USP12: variants seen among roughly 807,000 people sequenced by gnomAD.
USP12 encodes ubiquitin carboxyl-terminal hydrolase 12.
USP12 carries 19 observed loss-of-function variants against 45.5 expected under a neutral mutation model. The observed-to-expected ratio is 0.42, with a 90% CI of 0.29 to 0.61. The LOEUF (loss-of-function observed/expected upper bound fraction) is 0.61, where lower values mean the gene tolerates loss of function less well. Among genes scored for constraint, USP12 ranks in the 20% least tolerant of loss-of-function variants. The probability of loss-of-function intolerance (pLI) is 0.22; values close to 1 mark genes in which losing one functional copy is unlikely to be tolerated. For missense variants in USP12, 242 were observed against 447.7 expected, an observed-to-expected ratio of 0.54 and a Z score of 4.15; for synonymous variants, 149 against 148.8, an observed-to-expected ratio of 1.00 and a Z score of -0.01.
intron 3 of USP12, among the ~76,000 whole-genome samples, chr13:27,096,892 T>A (rs1434353129): frequency 3.3e-5 from 5 of 152,002 alleles, no homozygotes; most frequent in South Asian, 2.1e-4. Context: ...TAGAAAAAAA[T>A]TTAGGGAAAG....
intron 1 of USP12, among the ~76,000 whole-genome samples, chr13:27,151,304 C>G (rs1274010930): frequency 6.6e-6 from 1 of 152,016 alleles, no homozygotes; most frequent in Admixed American, 6.6e-5. Context: ...AAGCAAGATT[C>G]TGTCTCCCAA....
At chr13:27,152,956 A>G (rs1593211479) in intron 1 of USP12, among the ~76,000 whole-genome samples, 3 of 150,660 alleles carry the variant, frequency 2.0e-5, no homozygotes, top group Admixed American at 6.6e-5. Context: ...AAAAAAAAAA[A>G]AAAGAAAGAA....
At chr13:27,170,618 C>G (rs1878547615) in intron 1 of USP12, among the ~76,000 whole-genome samples, 1 of 152,218 alleles carries the variant, frequency 6.6e-6, no homozygotes, top group Non-Finnish European at 1.5e-5. Flanking sequence ...AAGTTTTAAA[C>G]GCGCCCACGT....
intron 1 of USP12, among the ~76,000 whole-genome samples, chr13:27,141,676 A>C (rs7326966): frequency 0.64 from 96,424 of 151,640 alleles, 30,981 homozygotes; most frequent in South Asian, 0.83. Flanking sequence ...CTAAAAAATA[A>C]ATGAATAGAC....
intron 2 of USP12, among the ~76,000 whole-genome samples, chr13:27,115,662 T>G (rs946946837): frequency 7.2e-5 from 11 of 152,326 alleles, no homozygotes; most frequent in Admixed American, 4.6e-4. Flanking sequence ...ACAGGTAACA[T>G]TCAGGTAAAA....
intron 6 of USP12, 121 bp downstream of exon 6, chr13:27,089,758 TGTTA>T (rs1200543962): frequency 1.2e-6 from 1 of 837,152 alleles, no homozygotes; most frequent in Non-Finnish European, 1.9e-6. Flanking sequence ...GAACATTAAC[TGTTA>T]GTGATAGAAT....
At chr13:27,115,110 CAG>C (rs1875665102) in intron 2 of USP12, among the ~76,000 whole-genome samples, 1 of 152,156 alleles carries the variant, frequency 6.6e-6, no homozygotes, top group African/African-American at 2.4e-5. Flanking sequence ...TAACAAGACA[CAG>C]AGACCAGAAG....
chr13:27,105,852 AGG>A lies in USP12; in HGVS notation c.220_221del (p.Pro74Ter). The A allele has an allele frequency of 1.2e-6, 2 of 1,613,852 alleles. No homozygotes were observed. The highest frequency in any genetic ancestry group is 1.7e-6 in the Non-Finnish European group (2 of 1,179,814). On this transcript the variant is annotated frameshift_variant, in exon 3 of 9. Coordinates refer to ENST00000282344, the MANE Select transcript of USP12 (RefSeq NM_182488.4). LOFTEE classifies it high-confidence loss of function. ...ATGTAAGAAGGCTCTCCTTTTTCCTAGGTTGACTCTTATACGCAAGAACTTTT... is the reference window on the plus strand; with the variant it reads ...ATGTAAGAAGGCTCTCCTTTTTCCTATTGACTCTTATACGCAAGAACTTTT... Reference protein sequence around the residue: ...REKVLAYKSQPRKKESLLTCL... With the variant: ...REKVLAYKSQXRKKESLLTCL...
rs771252250 is a variant in USP12, at chr13:27,071,038, C to T, written c.1011+33G>A. 2.6e-6 allele frequency: 4 copies of T among 1,568,408 alleles called. No individual in the cohort carries two copies. In the South Asian group the frequency reaches 4.7e-5, roughly 18 times the overall value. On this transcript the variant is annotated intron_variant, in intron 8 of 8. Coordinates refer to ENST00000282344, the MANE Select transcript of USP12 (RefSeq NM_182488.4). ...AGTGAAAAGCAACATATGCATACAA[C>T]TTTCAAAAATAAGAAATTAAGAAAC...
chr13:27,090,342 T>G lies in USP12; in HGVS notation c.574-184A>C, dbSNP rs188034505. On this transcript the variant is annotated intron_variant, in intron 4 of 8. Transcript: ENST00000282344. ...CACTGAATAAATAACCCCTACCAGA[T>G]GTATAAATAAAACACCAAAGTACAC... is the stretch of plus-strand genomic sequence containing the variant. Among the ~76,000 whole-genome samples, 926 of 152,320 alleles carry G rather than the reference T, an allele frequency of 6.1e-3. 5 individuals carry two copies. Among genetic ancestry groups the G allele is most frequent in the Middle Eastern group, 0.014 (4 of 294 alleles).
At chr13:27,090,329 A>T (rs1182023216) in intron 4 of USP12, among the ~76,000 whole-genome samples, 171 bp from the exon 5 acceptor site, 1 of 152,228 alleles carries the variant, frequency 6.6e-6, no homozygotes, top group African/African-American at 2.4e-5. Flanking sequence ...CTGAATAAAT[A>T]ACCCCTACCA....
At chr13:27,166,983 C>A (rs1206575199) in intron 1 of USP12, among the ~76,000 whole-genome samples, 1 of 152,138 alleles carries the variant, frequency 6.6e-6, no homozygotes, top group Non-Finnish European at 1.5e-5. Flanking sequence ...ACATGATAAT[C>A]ATTCGTGGGT....
chr13:27,071,041 T>C (rs1018115444), intron 8 of USP12, 30 bp downstream of exon 8: 2 of 1,573,688 alleles, frequency 1.3e-6, no homozygotes, highest in Admixed American at 1.9e-5. Context: ...CATACAACTT[T>C]CAAAAATAAG....
chr13:27,070,640 G>A (rs111894278), intron 8 of USP12, among the ~76,000 whole-genome samples: 22 of 150,152 alleles, frequency 1.5e-4, no homozygotes, highest in Non-Finnish European at 2.7e-4. Context: ...CACAACCTCC[G>A]CCTCCCGGGT....
At chr13:27,133,550 C>A (rs1876614358) in intron 1 of USP12, among the ~76,000 whole-genome samples, 1 of 150,976 alleles carries the variant, frequency 6.6e-6, no homozygotes, top group Admixed American at 6.6e-5. Context: ...ATGGCATGAA[C>A]CTGGGAGGGC....
At chr13:27,115,290 T>C (rs868307660) in intron 2 of USP12, among the ~76,000 whole-genome samples, 2 of 151,946 alleles carry the variant, frequency 1.3e-5, no homozygotes, top group African/African-American at 4.8e-5. Flanking sequence ...CAGAAAAAAA[T>C]AAGTGAGAGG....
At chr13:27,089,120 A>G (rs1874199912) in intron 6 of USP12, among the ~76,000 whole-genome samples, 1 of 152,222 alleles carries the variant, frequency 6.6e-6, no homozygotes, top group African/African-American at 2.4e-5. Flanking sequence ...AAAAGACTAA[A>G]GAGACCGAAT....
chr13:27,108,523 T>C (rs914763465), intron 2 of USP12, among the ~76,000 whole-genome samples: 2 of 59,518 alleles, frequency 3.4e-5, no homozygotes, highest in Non-Finnish European at 7.6e-5. Context: ...CCCTAAAACT[T>C]AAAGCATAAA....
intron 6 of USP12, chr13:27,089,322 G>A (rs1874208047): frequency 1.3e-5 from 2 of 152,426 alleles, no homozygotes; most frequent in Admixed American, 6.5e-5. Context: ...CCGGGGCCAT[G>A]AGGTACATAT....
Sources: gnomAD v4.1 joint callset for allele counts (sites outside exome capture counted in the v4.1 genomes callset) on GRCh38, gnomAD v4.1.1 for gene constraint, MANE v1.5 for transcripts, NCBI Gene and HGNC (gene_info 2026-07-23, HGNC 2026-07-21) for gene names.